The following TENM1 variants were observed in gnomAD, a reference collection of about 807,000 sequenced individuals.
TENM1 encodes teneurin-1.
A neutral mutation model predicts 174.8 loss-of-function variants in TENM1; 35 were observed. The ratio of observed to expected loss-of-function variants is 0.20; its 90% CI spans 0.15 to 0.27. The LOEUF is 0.27. Ranked by LOEUF, TENM1 falls within the 10% of genes least tolerant of loss-of-function variation. The pLI is 1.00. For missense variants in TENM1, 1,633 were observed against 2,130.1 expected (o/e 0.77, Z 4.59); for synonymous variants, 781 against 798.7 (o/e 0.98, Z 0.37).
chrX:124,648,845 G>GA (rs1214886141), intron 8 of TENM1, among the ~76,000 whole-genome samples: 1 of 111,701 alleles, frequency 9.0e-6, no homozygotes, highest in East Asian at 2.8e-4. Context: ...AGCTCTTCTG[G>GA]AAAAAATGTT....
chrX:124,456,385 T>A (rs1482463396), intron 22 of TENM1, among the ~76,000 whole-genome samples: 1 of 111,873 alleles, frequency 8.9e-6, no homozygotes, highest in Non-Finnish European at 1.9e-5. Context: ...CCGAGCATAT[T>A]TTATATGTAC....
chrX:124,546,745 T>C lies in TENM1; in HGVS notation c.2651+129A>G, dbSNP rs2048439280. 1.3e-5 allele frequency: 7 copies of C among 558,638 alleles called. No homozygotes were observed. The South Asian group carries it at 2.4e-4, about 19-fold the overall frequency. The allele number at this position is 558,638 out of a possible 1,213,427, so 46.0% of individuals were successfully genotyped here. On this transcript the variant is annotated intron_variant, in intron 15 of 31. Coordinates refer to ENST00000422452, the Ensembl canonical transcript of TENM1. ...TAAGGGTTTTGGCTTTCCAGAGAAG[T>C]CCTAAAAAGAAATGAACGTGGATTA...
intron 11 of TENM1, among the ~76,000 whole-genome samples, chrX:124,569,669 A>G (rs2049015411): frequency 1.8e-5 from 2 of 111,874 alleles, no homozygotes; most frequent in Non-Finnish European, 3.8e-5. Flanking sequence ...ACATTAAACG[A>G]ATAAGACATC....
exon 32 of TENM1, chrX:124,380,355 C>T (rs1005789512): frequency 9.8e-6 from 4 of 407,157 alleles, no homozygotes; most frequent in Non-Finnish European, 1.6e-5. Flanking sequence ...TCTGTCATTT[C>T]TTAAAGAGTT....
chrX:124,616,947 T>C (rs1328076240), intron 11 of TENM1, among the ~76,000 whole-genome samples: 8 of 111,771 alleles, frequency 7.2e-5, no homozygotes, highest in Non-Finnish European at 1.3e-4. Context: ...CTCTCCCCTT[T>C]TGCCTCTTGG....
chrX:124,823,841 A>C (rs907260786), intron 3 of TENM1, among the ~76,000 whole-genome samples: 2 of 111,855 alleles, frequency 1.8e-5, no homozygotes, highest in South Asian at 7.5e-4. Context: ...AATCATAATC[A>C]TAACAATTGA....
At chrX:124,568,231 C>T (rs942102937) in intron 11 of TENM1, among the ~76,000 whole-genome samples, 4 of 111,301 alleles carry the variant, frequency 3.6e-5, no homozygotes, top group Admixed American at 9.6e-5. Flanking sequence ...TACCCAATTA[C>T]GACTAGGGGC....
intron 15 of TENM1, among the ~76,000 whole-genome samples, chrX:124,535,983 T>C (rs1012417146): frequency 8.9e-6 from 1 of 111,733 alleles, no homozygotes. Context: ...ACTTGACTAT[T>C]TTAGGGAATT....
At chrX:124,692,987 G>A (rs1217524806) in intron 5 of TENM1, among the ~76,000 whole-genome samples, 1 of 78,196 alleles carries the variant, frequency 1.3e-5, no homozygotes, top group African/African-American at 5.6e-5. Context: ...CAGCCTGGGC[G>A]ACAAGAGTGA....
At chrX:124,473,661 C>G (rs1418597235) in intron 22 of TENM1, among the ~76,000 whole-genome samples, 2 of 111,167 alleles carry the variant, frequency 1.8e-5, no homozygotes, top group African/African-American at 3.3e-5. Context: ...GTGGTTCCCA[C>G]CTAGGCTTGT....
intron 18 of TENM1, among the ~76,000 whole-genome samples, chrX:124,511,254 T>C (rs2047577639): frequency 8.9e-6 from 1 of 112,216 alleles, no homozygotes; most frequent in Admixed American, 9.5e-5. Flanking sequence ...ACTGGTTTTT[T>C]AGGTAGCAAA....
chrX:124,968,054 C>G (rs1319723980), upstream of TENM1, among the ~76,000 whole-genome samples: 2 of 111,826 alleles, frequency 1.8e-5, no homozygotes, highest in Non-Finnish European at 3.8e-5. Flanking sequence ...ATTAAATACT[C>G]AAAGTAGAGT....
At position 124,546,868 on chromosome X, in the gene TENM1, A is replaced by C. The variant is rs750508020; in HGVS notation, c.2651+6T>G. 8.5e-7 allele frequency: 1 copy of C among 1,179,290 alleles called. No homozygotes were observed. The highest frequency in any genetic ancestry group is 2.2e-5 in the Admixed American group (1 of 45,991). Reference sequence around the variant, plus strand: ...TCACTAAGGAATAAAATAAATACATATGTACCTGCTGTCAAATGACACCTC... The same window carrying C: ...TCACTAAGGAATAAAATAAATACATCTGTACCTGCTGTCAAATGACACCTC... On this transcript the variant is annotated splice_donor_region_variant and intron_variant, in intron 15 of 31. Coordinates refer to ENST00000422452, the Ensembl canonical transcript of TENM1.
At chrX:124,773,343 T>C (rs1248719752) in intron 3 of TENM1, among the ~76,000 whole-genome samples, 1 of 108,668 alleles carries the variant, frequency 9.2e-6, no homozygotes, top group Non-Finnish European at 1.9e-5. Context: ...CAAACTACCC[T>C]GAGGCAATAT....
chrX:125,134,954 T>C, the TENM1 span, among the ~76,000 whole-genome samples: 1 of 110,851 alleles, frequency 9.0e-6, no homozygotes, highest in East Asian at 2.9e-4. Flanking sequence ...TAAGAATAGG[T>C]ACAAGAGAAA....
chrX:124,586,908 A>T (rs2049537311), intron 11 of TENM1, among the ~76,000 whole-genome samples: 1 of 110,119 alleles, frequency 9.1e-6, no homozygotes, highest in Admixed American at 9.7e-5. Context: ...ACAAACAGAG[A>T]GCCAAATCAT....
intron 28 of TENM1, among the ~76,000 whole-genome samples, chrX:124,386,905 A>G (rs1449116789): frequency 9.2e-6 from 1 of 109,050 alleles, no homozygotes; most frequent in Non-Finnish European, 1.9e-5. Context: ...AAGCAAGTTA[A>G]GGGACGGTTG....
chrX:124,453,414 T>A, exon 23 of TENM1: 5 of 1,210,712 alleles, frequency 4.1e-6, no homozygotes, highest in Non-Finnish European at 5.6e-6. Flanking sequence ...ACAGTTGTGA[T>A]CACAGCATTC....
At chrX:124,942,998 C>G (rs1484874714) in intron 1 of TENM1, among the ~76,000 whole-genome samples, 2 of 111,462 alleles carry the variant, frequency 1.8e-5, no homozygotes, top group Non-Finnish European at 3.8e-5. Context: ...CCTAGCAAAT[C>G]TCTCTTTTCA....
Sources: gnomAD v4.1 joint callset for allele counts (sites outside exome capture counted in the v4.1 genomes callset) on GRCh38, gnomAD v4.1.1 for gene constraint, MANE v1.5 for transcripts, NCBI Gene and HGNC (gene_info 2026-07-23, HGNC 2026-07-21) for gene names.